Variants in PCSK6 observed in about 807,000 individuals in gnomAD.
The protein encoded by PCSK6 is proprotein convertase subtilisin/kexin type 6.
PCSK6 carries 85 observed loss-of-function variants against 123.3 expected under a neutral mutation model. The observed-to-expected ratio is 0.69, with a 90% confidence interval of 0.58 to 0.83. PCSK6 has a LOEUF of 0.83. Among genes scored for constraint, PCSK6 ranks in the 40% least tolerant of loss-of-function variants. The pLI is 0.00. For missense variants in PCSK6, 1,191 were observed against 1,282.3 expected, an observed-to-expected ratio of 0.93 and a Z score of 1.09; for synonymous variants, 508 against 516.0, an observed-to-expected ratio of 0.98 and a Z score of 0.21.
intron 18 of PCSK6, 101 bp from the exon 19 acceptor site, chr15:101,318,523 C>A: frequency 2.0e-6 from 2 of 979,548 alleles, no homozygotes; most frequent in Non-Finnish European, 3.1e-6. Flanking sequence ...GTGGCTGAGG[C>A]ACAGTTCTTT....
rs530043180 is a variant in PCSK6, at chr15:101,451,613, T to C, written c.298-7953A>G. ...GCCTGCCCTTGGCTGGAAACAGATG[T>C]TCCAAACCCCGTCCGCTCCGCAGCT... On this transcript the variant is annotated intron_variant, in intron 1 of 21. Coordinates refer to ENST00000611716, the MANE Select transcript of PCSK6 (RefSeq NM_002570.5). 2.0e-5 allele frequency among the ~76,000 whole-genome samples: 3 copies of C among 152,324 alleles called. No homozygotes were observed. The South Asian group carries it at 6.2e-4, about 32-fold the overall frequency.
chr15:101,416,774 A>C (rs185371011), intron 6 of PCSK6, among the ~76,000 whole-genome samples: 5 of 152,358 alleles, frequency 3.3e-5, no homozygotes, highest in Admixed American at 2.6e-4. Flanking sequence ...GGGAGCCCCA[A>C]GCTTTGGCAA....
intron 19 of PCSK6, among the ~76,000 whole-genome samples, chr15:101,314,572 G>A (rs3784517): frequency 0.26 from 39,619 of 152,186 alleles, 6,608 homozygotes; most frequent in African/African-American, 0.48. Context: ...CTTTGCAGAG[G>A]TTCCGGAGCC....
chr15:101,401,623 TC>T (rs1189615616), intron 6 of PCSK6, among the ~76,000 whole-genome samples: 1 of 152,194 alleles, frequency 6.6e-6, no homozygotes, highest in Non-Finnish European at 1.5e-5. Flanking sequence ...TCTGAAGTTC[TC>T]CCGTCTCGCT....
intron 2 of PCSK6, among the ~76,000 whole-genome samples, 183 bp downstream of exon 2, chr15:101,443,373 A>T (rs2056805330): frequency 6.6e-6 from 1 of 152,212 alleles, no homozygotes; most frequent in South Asian, 2.1e-4. Flanking sequence ...ATGCTGAGAG[A>T]TCCTCACTCA....
chr15:101,381,679 G>A lies in PCSK6; in HGVS notation c.1532+413C>T, dbSNP rs1354487480. 2.0e-5 allele frequency among the ~76,000 whole-genome samples: 3 copies of A among 152,184 alleles called. No individual in the cohort carries two copies. In the East Asian group the frequency reaches 5.8e-4, roughly 29 times the overall value. On this transcript the variant is annotated intron_variant, in intron 11 of 21. Coordinates refer to ENST00000611716, the MANE Select transcript of PCSK6 (RefSeq NM_002570.5). The stretch of plus-strand genomic sequence containing the variant: ...CAGACTCCCAGGGCCAGTTAGGCTG[G>A]GCTGGGGCTACAGCTCCAATCTCTA...
rs1367387680 is a variant in PCSK6 at position 101,431,323 on chromosome 15, A to G, written c.654T>C (p.Asn218=). 29 of 1,613,940 alleles carry G rather than the reference A, an allele frequency of 1.8e-5. No homozygotes were observed. The highest frequency in any genetic ancestry group is 2.5e-5 in the Non-Finnish European group (29 of 1,179,864). The change falls in exon 4 of 22, where the codon AAT becomes AAC. Residue 218 remains asparagine, a synonymous_variant. Transcript: ENST00000611716. ...TCAGTTCCGAGGATTGACTTACATA[A>G]TTTGGGGCCAGGTCAGGGTGATTTC... ...IERNHPDLAP[N]YDSYASYDVN...
chr15:101,366,737 C>G (rs377344076), intron 12 of PCSK6, among the ~76,000 whole-genome samples: 1 of 152,180 alleles, frequency 6.6e-6, no homozygotes, highest in South Asian at 2.1e-4. Flanking sequence ...CCCGGATGCA[C>G]GAAAGCAGAC....
chr15:101,479,898 G>C (rs926133920), intron 1 of PCSK6, among the ~76,000 whole-genome samples: 1 of 152,176 alleles, frequency 6.6e-6, no homozygotes, highest in Non-Finnish European at 1.5e-5. Flanking sequence ...GTCCTCCCAG[G>C]GGGACAGTCC....
intron 11 of PCSK6, among the ~76,000 whole-genome samples, chr15:101,378,552 T>G (rs554217589): frequency 6.6e-6 from 1 of 152,346 alleles, no homozygotes; most frequent in East Asian, 1.9e-4. Flanking sequence ...ATACCTCAGT[T>G]CTGGGGCTCA....
At chr15:101,469,033 A>G (rs948208095) in intron 1 of PCSK6, among the ~76,000 whole-genome samples, 1 of 152,198 alleles carries the variant, frequency 6.6e-6, no homozygotes, top group Non-Finnish European at 1.5e-5. Context: ...TTCTGATCTC[A>G]AAGTTCTCAT....
chr15:101,483,559 C>G (rs1431201662), intron 1 of PCSK6, among the ~76,000 whole-genome samples: 1 of 152,190 alleles, frequency 6.6e-6, no homozygotes, highest in Non-Finnish European at 1.5e-5. Context: ...ATCCAAGAAC[C>G]ACCCTTAAGA....
At position 101,489,313 on chromosome 15, in the gene PCSK6, C is replaced by G. The variant is rs2058104196; in HGVS notation, c.297+61G>C. On this transcript the variant is annotated intron_variant, in intron 1 of 21. Coordinates refer to ENST00000611716, the MANE Select transcript of PCSK6 (RefSeq NM_002570.5). ...GGCGGACAGGACTGCGGAGGCGCCC[C>G]CCTCGCGCGCGCCGGAGGCCGCCGG... The G allele has an allele frequency of 2.9e-6, 3 of 1,030,576 alleles. No homozygotes were observed. The East Asian group carries it at 2.0e-4, about 67-fold the overall frequency. The allele number at this position is 1,030,576 out of a possible 1,614,324, so 63.8% of individuals were successfully genotyped here. A position where few individuals can be genotyped will look rare whatever the true frequency, so the allele number is the denominator to read the frequency against.
intron 9 of PCSK6, among the ~76,000 whole-genome samples, chr15:101,386,122 C>A (rs772079672): frequency 6.6e-6 from 1 of 152,042 alleles, no homozygotes; most frequent in Admixed American, 6.5e-5. Flanking sequence ...GAACGCACAC[C>A]GTGCTCTCGG....
chr15:101,357,380 A>C (rs1357818792), intron 13 of PCSK6, among the ~76,000 whole-genome samples: 2 of 152,222 alleles, frequency 1.3e-5, no homozygotes, highest in East Asian at 3.8e-4. Flanking sequence ...GATGCTGACG[A>C]TGCTGACCAG....
intron 11 of PCSK6, among the ~76,000 whole-genome samples, chr15:101,377,817 T>G (rs2041795365): frequency 1.3e-5 from 2 of 152,212 alleles, no homozygotes; most frequent in Non-Finnish European, 2.9e-5. Flanking sequence ...AAGTGTCTTG[T>G]GTGGGTTGTG....
chr15:101,467,336 G>C (rs2057488275), intron 1 of PCSK6, among the ~76,000 whole-genome samples: 1 of 150,684 alleles, frequency 6.6e-6, no homozygotes, highest in South Asian at 2.1e-4. Flanking sequence ...GCAATGGCAC[G>C]ATCACGGCTC....
intron 12 of PCSK6, among the ~76,000 whole-genome samples, chr15:101,368,449 G>A (rs2041466491): frequency 6.6e-6 from 1 of 152,206 alleles, no homozygotes; most frequent in Non-Finnish European, 1.5e-5. Flanking sequence ...GGCATTTTCA[G>A]AGATGAGGAA....
chr15:101,459,834 A>T (rs2057299217), intron 1 of PCSK6, among the ~76,000 whole-genome samples: 1 of 151,802 alleles, frequency 6.6e-6, no homozygotes, highest in South Asian at 2.1e-4. Flanking sequence ...AGCTGTTTCA[A>T]CCACGTTCTC....
Sources: gnomAD v4.1 joint callset for allele counts (sites outside exome capture counted in the v4.1 genomes callset) on GRCh38, gnomAD v4.1.1 for gene constraint, MANE v1.5 for transcripts, NCBI Gene and HGNC (gene_info 2026-07-23, HGNC 2026-07-21) for gene names.